The following MACROD2 variants were observed in gnomAD, a reference collection of about 807,000 sequenced individuals.
MACROD2 encodes the protein mono-ADP ribosylhydrolase 2, also known as ADP-ribose glycohydrolase MACROD2.
MACROD2 carries 36 observed loss-of-function variants against 70.4 expected under a neutral mutation model. The observed-to-expected ratio is 0.51, with a 90% CI of 0.39 to 0.68. MACROD2 has a LOEUF of 0.68. Among genes scored for constraint, MACROD2 ranks in the 30% least tolerant of loss-of-function variants. The pLI, the probability that MACROD2 is intolerant of heterozygous loss-of-function variation, is 0.00. For missense variants in MACROD2, 496 were observed against 538.4 expected (o/e 0.92, Z 0.78); for synonymous variants, 172 against 178.8 (o/e 0.96, Z 0.30).
chr20:14,076,415 C>T (rs2053916780), intron 2 of MACROD2, among the ~76,000 whole-genome samples: 1 of 152,024 alleles, frequency 6.6e-6, no homozygotes, highest in Non-Finnish European at 1.5e-5. Context: ...CTTTGGGAGG[C>T]CAAGGCGGGA....
chr20:14,673,254 A>T (rs991182794), intron 4 of MACROD2, among the ~76,000 whole-genome samples: 3 of 152,210 alleles, frequency 2.0e-5, no homozygotes, highest in African/African-American at 7.2e-5. Flanking sequence ...TATGAGAGTC[A>T]GGACTCATGG....
At chr20:14,970,210 G>C (rs536793719) in intron 5 of MACROD2, among the ~76,000 whole-genome samples, 1 of 152,058 alleles carries the variant, frequency 6.6e-6, no homozygotes, top group Admixed American at 6.6e-5. Context: ...TCACCCCCAT[G>C]ATTCAATTGC....
intron 5 of MACROD2, among the ~76,000 whole-genome samples, chr20:15,156,277 C>G (rs1269046066): frequency 1.3e-5 from 2 of 152,118 alleles, no homozygotes; most frequent in Non-Finnish European, 2.9e-5. Context: ...CAGGGTAATA[C>G]TACTAGCTCA....
chr20:15,982,795 A>G (rs917357782), intron 13 of MACROD2, among the ~76,000 whole-genome samples: 28 of 152,234 alleles, frequency 1.8e-4, no homozygotes, highest in Admixed American at 1.8e-3. Context: ...GGTATTTATT[A>G]AAATCACCAC....
chr20:15,036,820 TG>T (rs1462673323), intron 5 of MACROD2, among the ~76,000 whole-genome samples: 5 of 152,050 alleles, frequency 3.3e-5, no homozygotes, highest in Non-Finnish European at 5.9e-5. Context: ...TACAAAAGTT[TG>T]CACATCAAAA....
chr20:15,351,875 G>T (rs1445524716), intron 6 of MACROD2, among the ~76,000 whole-genome samples: 1 of 152,144 alleles, frequency 6.6e-6, no homozygotes, highest in East Asian at 1.9e-4. Flanking sequence ...ACTTGCCAAA[G>T]GTTTAGAAGG....
chr20:15,716,112 A>C (rs989323), intron 8 of MACROD2, among the ~76,000 whole-genome samples: 130,221 of 152,130 alleles, frequency 0.86, 56,162 homozygotes, highest in Middle Eastern at 0.9. Context: ...GAGAAGGTCA[A>C]CTGCTAATTC....
chr20:16,027,822 G>C lies in MACROD2; in HGVS notation c.1154-13379G>C, dbSNP rs148963534. ...TGATGGGGTGGAGGGGAGTGTTAGAGACACCCAATTTGCATTATTCCTGCT... is the reference window on the plus strand; with the variant it reads ...TGATGGGGTGGAGGGGAGTGTTAGACACACCCAATTTGCATTATTCCTGCT... On this transcript the variant is annotated intron_variant, in intron 15 of 17. Transcript: ENST00000684519. 3.9e-5 allele frequency among the ~76,000 whole-genome samples: 6 copies of C among 152,266 alleles called. No individual in the cohort carries two copies. In the East Asian group the frequency reaches 1.2e-3, roughly 29 times the overall value.
chr20:15,472,619 A>G (rs2046976156), intron 7 of MACROD2, among the ~76,000 whole-genome samples: 1 of 152,014 alleles, frequency 6.6e-6, no homozygotes, highest in Non-Finnish European at 1.5e-5. Flanking sequence ...TTTGTTGTCA[A>G]TTATTTTCCA....
At chr20:15,701,045 T>A (rs1166967284) in intron 8 of MACROD2, among the ~76,000 whole-genome samples, 3 of 152,208 alleles carry the variant, frequency 2.0e-5, no homozygotes, top group Admixed American at 2.0e-4. Context: ...GGGAACCAAA[T>A]TTTGAGAACT....
intron 5 of MACROD2, among the ~76,000 whole-genome samples, chr20:14,756,874 C>T (rs1431108277): frequency 6.6e-6 from 1 of 152,014 alleles, no homozygotes; most frequent in Non-Finnish European, 1.5e-5. Context: ...TGAGTGAGTT[C>T]TCGTGGGATC....
intron 4 of MACROD2, among the ~76,000 whole-genome samples, chr20:14,658,715 G>A (rs537340985): frequency 6.6e-6 from 1 of 152,304 alleles, no homozygotes; most frequent in Non-Finnish European, 1.5e-5. Flanking sequence ...CCAGGTTCAA[G>A]CAATTCTCCT....
chr20:15,760,945 T>C (rs909647696), intron 8 of MACROD2, among the ~76,000 whole-genome samples: 1 of 152,226 alleles, frequency 6.6e-6, no homozygotes, highest in East Asian at 1.9e-4. Context: ...AAATGAAACC[T>C]AGAAAGGAAT....
chr20:15,139,344 T>C (rs769249530), intron 5 of MACROD2, among the ~76,000 whole-genome samples: 1 of 152,070 alleles, frequency 6.6e-6, no homozygotes, highest in South Asian at 2.1e-4. Flanking sequence ...TGGTTGTAAG[T>C]CGTGTAAATT....
chr20:15,131,121 G>T (rs908814163), intron 5 of MACROD2, among the ~76,000 whole-genome samples: 2 of 152,030 alleles, frequency 1.3e-5, no homozygotes, highest in African/African-American at 4.8e-5. Context: ...AAAAAGAATT[G>T]ACCCGTATTC....
At chr20:15,808,437 T>C (rs1253556596) in intron 8 of MACROD2, among the ~76,000 whole-genome samples, 1 of 152,226 alleles carries the variant, frequency 6.6e-6, no homozygotes, top group African/African-American at 2.4e-5. Flanking sequence ...TGTTAGTTCA[T>C]AAATTAAATA....
At chr20:14,397,361 G>C (rs997252804) in intron 3 of MACROD2, among the ~76,000 whole-genome samples, 1 of 152,066 alleles carries the variant, frequency 6.6e-6, no homozygotes, top group African/African-American at 2.4e-5. Context: ...GTTTTATATT[G>C]TTGGCTTATT....
intron 5 of MACROD2, among the ~76,000 whole-genome samples, chr20:14,928,623 C>G (rs1054494574): frequency 1.3e-5 from 2 of 152,118 alleles, no homozygotes; most frequent in East Asian, 3.9e-4. Context: ...TTCAAAGGTG[C>G]TTGATACCAA....
At chr20:15,000,581 C>T (rs1004282440) in intron 5 of MACROD2, among the ~76,000 whole-genome samples, 4 of 120,580 alleles carry the variant, frequency 3.3e-5, no homozygotes, top group Non-Finnish European at 6.4e-5. Context: ...CGAGATTGCG[C>T]CACTGCAGTC....
Sources: allele counts gnomAD v4.1 joint callset (sites outside exome capture counted in the v4.1 genomes callset), GRCh38; gene constraint gnomAD v4.1.1; transcripts MANE v1.5; gene names NCBI Gene and HGNC (gene_info 2026-07-23, HGNC 2026-07-21).